EGFR: variants seen among roughly 807,000 people sequenced by gnomAD.
The protein encoded by EGFR is epidermal growth factor receptor.
A neutral mutation model predicts 143.0 loss-of-function variants in EGFR; 58 were observed. The ratio of observed to expected loss-of-function variants is 0.41; its 90% CI spans 0.33 to 0.50. The LOEUF (loss-of-function observed/expected upper bound fraction) is 0.50. Ranked by LOEUF, EGFR falls within the 20% of genes least tolerant of loss-of-function variation. EGFR has a pLI of 0.39. For missense variants in EGFR, 1,307 were observed against 1,579.0 expected (o/e 0.83, Z 2.92); for synonymous variants, 613 against 594.4 (o/e 1.03, Z -0.45).
chr7:55,020,176 C>G lies in EGFR; in HGVS notation c.88+811C>G, dbSNP rs1264085392. The stretch of plus-strand genomic sequence containing the variant: ...GCGCAGACCCCGGCCGCTCGCCTCG[C>G]CCGGTGCGCCCTCGTCTTGCCTATC... On this transcript the variant is annotated intron_variant, in intron 1 of 27. Transcript: ENST00000275493. 2.0e-5 allele frequency among the ~76,000 whole-genome samples: 3 copies of G among 152,228 alleles called. No homozygotes were observed. The East Asian group carries it at 5.8e-4, about 29-fold the overall frequency.
intron 1 of EGFR, among the ~76,000 whole-genome samples, chr7:55,072,843 G>T (rs1056397037): frequency 6.6e-6 from 1 of 152,166 alleles, no homozygotes; most frequent in Non-Finnish European, 1.5e-5. Context: ...TTTCCTGTGT[G>T]CTTGTCAGTT....
At chr7:55,076,841 G>A (rs533514193) in intron 1 of EGFR, among the ~76,000 whole-genome samples, 3 of 152,064 alleles carry the variant, frequency 2.0e-5, no homozygotes, top group South Asian at 4.1e-4. Flanking sequence ...TTTTCATAAT[G>A]CCTGCCACTC....
At chr7:55,061,899 G>T (rs1386859176) in intron 1 of EGFR, among the ~76,000 whole-genome samples, 1 of 152,170 alleles carries the variant, frequency 6.6e-6, no homozygotes, top group Non-Finnish European at 1.5e-5. Context: ...ATTGTTGGAG[G>T]TGAGCAGCTT....
chr7:55,114,097 G>A (rs934876310), intron 1 of EGFR, among the ~76,000 whole-genome samples: 1 of 152,148 alleles, frequency 6.6e-6, no homozygotes, highest in African/African-American at 2.4e-5. Flanking sequence ...GGGCACTCTG[G>A]AATATTACAA....
intron 27 of EGFR, 21 bp downstream of exon 27, chr7:55,202,646 C>G (rs1385082643): frequency 6.3e-7 from 1 of 1,596,092 alleles, no homozygotes; most frequent in Admixed American, 1.7e-5. Flanking sequence ...TGTCTGGAAA[C>G]AGTCCTGCTC....
intron 22 of EGFR, among the ~76,000 whole-genome samples, chr7:55,193,271 G>C (rs1787480355): frequency 6.6e-6 from 1 of 152,210 alleles, no homozygotes; most frequent in African/African-American, 2.4e-5. Context: ...ATGTGTCAGA[G>C]AGAACGGCTT....
intron 8 of EGFR, among the ~76,000 whole-genome samples, chr7:55,156,291 G>A (rs1785416211): frequency 1.3e-5 from 2 of 152,224 alleles, no homozygotes; most frequent in Admixed American, 1.3e-4. Flanking sequence ...GTCAGTGTGA[G>A]GTGACAGGGA....
chr7:55,091,656 A>G (rs11979158), intron 1 of EGFR, among the ~76,000 whole-genome samples: 29,136 of 152,124 alleles, frequency 0.19, 3,206 homozygotes, highest in African/African-American at 0.28. Context: ...TCCCTACTAC[A>G]TTCTAAAATC....
chr7:55,041,977 C>G (rs142541824), intron 1 of EGFR, among the ~76,000 whole-genome samples: 157 of 152,262 alleles, frequency 1.0e-3, no homozygotes, highest in African/African-American at 3.6e-3. Flanking sequence ...CATTCACCAG[C>G]ACCAAAAAGC....
chr7:55,195,961 A>G (rs7796081), intron 22 of EGFR, among the ~76,000 whole-genome samples: 116,420 of 152,008 alleles, frequency 0.77, 44,801 homozygotes, highest in Middle Eastern at 0.84. Flanking sequence ...TTGCTATTGT[A>G]AATAGTGCTG....
At chr7:55,176,516 T>A (rs1160216687) in intron 19 of EGFR, among the ~76,000 whole-genome samples, 1 of 152,048 alleles carries the variant, frequency 6.6e-6, no homozygotes, top group Non-Finnish European at 1.5e-5. Flanking sequence ...GCTTAGGAGT[T>A]TGAGACCAGC....
At chr7:55,201,115 C>G (rs2128971321) in intron 24 of EGFR, 73 bp from the exon 25 acceptor site, 1 of 1,600,690 alleles carries the variant, frequency 6.2e-7, no homozygotes, top group Non-Finnish European at 8.6e-7. Context: ...GCAATAGACC[C>G]CTGCTCCTAT....
At chr7:55,072,641 A>T (rs1324947868) in intron 1 of EGFR, among the ~76,000 whole-genome samples, 1 of 152,258 alleles carries the variant, frequency 6.6e-6, no homozygotes, top group Non-Finnish European at 1.5e-5. Context: ...TTCCACTAAT[A>T]GGACCAACAG....
chr7:55,168,380 G>A, intron 15 of EGFR: 2 of 690,838 alleles, frequency 2.9e-6, no homozygotes, highest in South Asian at 3.3e-5. Context: ...GGGAGGTCCA[G>A]AAAGTGATTG....
At chr7:55,192,629 C>G in intron 21 of EGFR, 137 bp from the exon 22 acceptor site, 2 of 780,780 alleles carry the variant, frequency 2.6e-6, no homozygotes, top group South Asian at 2.9e-5. Flanking sequence ...GAGGAGGCGC[C>G]GGGCCTGGGG....
chr7:55,130,010 G>A (rs982852738), intron 1 of EGFR, among the ~76,000 whole-genome samples: 1 of 152,308 alleles, frequency 6.6e-6, no homozygotes, highest in East Asian at 1.9e-4. Flanking sequence ...GTCTGTGGCT[G>A]CGTTCACACT....
In EGFR at chr7:55,161,451, G is replaced by A. The variant is rs749103269; in HGVS notation, c.1499-48G>A. The A allele has an allele frequency of 1.3e-5, 21 of 1,592,898 alleles. 1 individual carries two copies. Among genetic ancestry groups the A allele is most frequent in the East Asian group, 6.7e-5 (3 of 44,644 alleles). On this transcript the variant is annotated intron_variant, in intron 12 of 27. Coordinates refer to ENST00000275493, the MANE Select transcript of EGFR (RefSeq NM_005228.5). The stretch of plus-strand genomic sequence containing the variant: ...AAGGTGCCGTCTCCTCCGGCCCCTC[G>A]GGTCCCTGCTCTGTCACTGACTGCT...
chr7:55,049,568 G>T (rs1042763163), intron 1 of EGFR, among the ~76,000 whole-genome samples: 2 of 151,964 alleles, frequency 1.3e-5, no homozygotes, highest in Non-Finnish European at 2.9e-5. Context: ...TATCTGGGGG[G>T]CCTTGCTGTC....
intron 1 of EGFR, among the ~76,000 whole-genome samples, chr7:55,028,958 G>C (rs1363795813): frequency 6.6e-6 from 1 of 152,016 alleles, no homozygotes; most frequent in African/African-American, 2.4e-5. Context: ...AGGAGTTTGA[G>C]ACTTGCCTGA....
Sources: allele counts gnomAD v4.1 joint callset (sites outside exome capture counted in the v4.1 genomes callset), GRCh38; gene constraint gnomAD v4.1.1; transcripts MANE v1.5; gene names NCBI Gene and HGNC (gene_info 2026-07-23, HGNC 2026-07-21).